The following SCN4A variants were observed in gnomAD, a reference collection of about 807,000 sequenced individuals.
SCN4A encodes sodium channel protein type 4 subunit alpha.
SCN4A carries 83 observed loss-of-function variants against 162.0 expected under a neutral mutation model. That is an observed-to-expected ratio of 0.51 (90% CI 0.43 to 0.61). The LOEUF is 0.61. SCN4A is among the 20% of genes least tolerant of loss of function. SCN4A has a pLI of 0.00. For synonymous variants in SCN4A, 944 were observed against 985.1 expected (o/e 0.96, Z 0.78); for missense variants, 2,196 against 2,462.5 (o/e 0.89, Z 2.29).
chr17:63,960,766 T>C (rs2144797551), intron 11 of SCN4A, among the ~76,000 whole-genome samples: 1 of 152,158 alleles, frequency 6.6e-6, no homozygotes, highest in African/African-American at 2.4e-5. Context: ...TGGTCCTGGG[T>C]AGCCAGGGCT....
intron 15 of SCN4A, 101 bp downstream of exon 15, chr17:63,949,292 G>C (rs998094643): frequency 1.5e-6 from 2 of 1,292,716 alleles, no homozygotes; most frequent in African/African-American, 3.0e-5. Context: ...GGATGGCCAG[G>C]CAGCCCCAGG....
Position 63,940,544 on chromosome 17 carries a change from C to T in SCN4A, c.*227G>A. 2.0e-6 allele frequency: 1 copy of T among 493,802 alleles called. No individual in the cohort carries two copies. Among genetic ancestry groups the T allele is most frequent in the Non-Finnish European group, 3.5e-6 (1 of 286,412 alleles). The allele number at this position is 493,802 out of a possible 1,614,324, so 30.6% of individuals were successfully genotyped here. On this transcript the variant is annotated 3_prime_UTR_variant, in exon 24 of 24. Coordinates refer to ENST00000435607, the MANE Select transcript of SCN4A (RefSeq NM_000334.4). ...CAGGTTAAATCTTGGAGGCAGGGGC[C>T]TCAGACCCAGCATGGAGCCCCTGAG...
chr17:63,968,263 G>A lies in SCN4A; in HGVS notation c.796C>T (p.Leu266=). 6.2e-7 allele frequency: 1 copy of A among 1,614,026 alleles called. No individual in the cohort carries two copies. The change falls in exon 6 of 24, where the codon CTG becomes TTG. Residue 266 remains leucine, a synonymous_variant. Transcript: ENST00000435607. ...CCCATGAAGAGCTGCAGTCCTACCA[G>A]CGCAAAGACGCTCAGGCAGAAGACA... ...LTVFCLSVFA[L]VGLQLFMGNL... is the part of the protein sequence containing the mutation.
At position 63,941,012 on chromosome 17, in the gene SCN4A, C is replaced by T; in HGVS notation, c.5270G>A (p.Ser1757Asn). The T allele has an allele frequency of 1.9e-6, 3 of 1,613,842 alleles. No individual in the cohort carries two copies. Among genetic ancestry groups the T allele is most frequent in the Non-Finnish European group, 2.5e-6 (3 of 1,179,732 alleles). Residue 1757 changes from serine (S) to asparagine (N), a missense_variant, in exon 24 of 24, where the codon AGC (serine) becomes AAC (asparagine). Physicochemically the swap from Ser to Asn is conservative, Grantham distance 46. Coordinates refer to ENST00000435607, the MANE Select transcript of SCN4A (RefSeq NM_000334.4). This position sits in a 1 kb window ranked among gnomAD's most constrained non-coding sequence, Gnocchi z 6.2. ...MKQASYMYRHSHDGSGDDAPE... is the reference protein window; with the variant it reads ...MKQASYMYRHNHDGSGDDAPE... ...GGCGTCATCCCCGCTGCCGTCGTGG[C>T]TGTGGCGGTACATGTAGGATGCCTG...
intron 16 of SCN4A, among the ~76,000 whole-genome samples, chr17:63,948,358 G>T (rs1323104365): frequency 2.0e-5 from 3 of 152,088 alleles, no homozygotes; most frequent in Non-Finnish European, 4.4e-5. Context: ...AGTTCCCAGG[G>T]GTCTCCTGCC....
At chr17:63,947,204 GC>G (rs1406715904) in intron 17 of SCN4A, 37 bp from the exon 18 acceptor site, 5 of 1,610,626 alleles carry the variant, frequency 3.1e-6, no homozygotes, top group Non-Finnish European at 1.7e-6. Context: ...TGCGTGCAAG[GC>G]CCCCAGCCTC....
chr17:63,967,778 C>A (rs1909495021), intron 6 of SCN4A, among the ~76,000 whole-genome samples: 1 of 151,788 alleles, frequency 6.6e-6, no homozygotes, highest in South Asian at 2.1e-4. Flanking sequence ...ACTAAAAATA[C>A]AAAAATTAAT....
Position 63,972,433 on chromosome 17 carries a change from C to T in SCN4A, c.311G>A (p.Arg104His), listed in dbSNP as rs1248025530. 1.1e-5 allele frequency: 18 copies of T among 1,613,892 alleles called. No individual in the cohort carries two copies. The highest frequency in any genetic ancestry group is 1.6e-4 in the Middle Eastern group (1 of 6,062). ...IVLNKGKAIFRFSATPALYLL... is the reference protein window; with the variant it reads ...IVLNKGKAIFHFSATPALYLL... ...GTAGAGAGCAGGTGTGGCGGAGAAG[C>T]GGAAGATGGCCTTGCCCTTGTTGAG... is the stretch of plus-strand genomic sequence containing the variant. The change falls in exon 2 of 24, where the codon CGC becomes CAC. Residue 104 changes from arginine (R) to histidine (H), a missense_variant. By Grantham distance (29) the Arg-to-His change is conservative. Transcript: ENST00000435607. The surrounding 1 kb of genome is among the most constrained non-coding windows in gnomAD (Gnocchi z 4.3).
In SCN4A at chr17:63,940,872, T is replaced by TG. The variant is rs1567815634; in HGVS notation, c.5409dup (p.Thr1804HisfsTer43). ...GGGCTGATGGGCATCAGCCCCATAGTGGGTCCGGCGTCCCCTGCCTCGCCC... is the reference window on the plus strand; with the variant it reads ...GGGCTGATGGGCATCAGCCCCATAGTGGGGTCCGGCGTCCCCTGCCTCGCCC... On this transcript the variant is annotated frameshift_variant, in exon 24 of 24. Coordinates refer to ENST00000435607, the MANE Select transcript of SCN4A (RefSeq NM_000334.4). LOFTEE classifies it high-confidence loss of function. The TG allele has an allele frequency of 3.6e-5, 58 of 1,613,592 alleles. No homozygotes were observed. Among genetic ancestry groups the TG allele is most frequent in the Non-Finnish European group, 4.9e-5 (58 of 1,179,848 alleles).
chr17:63,971,850 C>G lies in SCN4A; in HGVS notation c.483G>C (p.Glu161Asp). The G allele has an allele frequency of 6.4e-7, 1 of 1,554,446 alleles. No homozygotes were observed. Among genetic ancestry groups the G allele is most frequent in the Non-Finnish European group, 8.7e-7 (1 of 1,150,464 alleles). Residue 161 changes from glutamate (E) to aspartate (D), a missense_variant and splice_region_variant, in exon 4 of 24, where the codon GAG (glutamate) becomes GAC (aspartate). By Grantham distance (45) the Glu-to-Asp change is conservative. Transcript: ENST00000435607. Reference protein sequence around the residue: ...SDPPPWSKNVEYTFTGIYTFE... With the variant: ...SDPPPWSKNVDYTFTGIYTFE... Reference sequence around the variant, plus strand: ...AGGTGTAGATCCCTGTGAAGGTGTACCTGGGGGGGAGAGGGCCGGCCGGGA... The same window carrying G: ...AGGTGTAGATCCCTGTGAAGGTGTAGCTGGGGGGGAGAGGGCCGGCCGGGA...
rs1409805776 is a variant in SCN4A at position 63,951,252 on chromosome 17, C to T, written c.2853+172G>A. On this transcript the variant is annotated intron_variant, in intron 14 of 23. Transcript: ENST00000435607. The surrounding 1 kb of genome is among the most constrained non-coding windows in gnomAD (Gnocchi z 4.5). ...ATAGTGACTGCCACCACTCACAGGG[C>T]GCGGACTGCATGCTTTACATACAGC... Among the ~76,000 whole-genome samples the T allele has an allele frequency of 1.3e-5, 2 of 152,294 alleles. No homozygotes were observed. The highest frequency in any genetic ancestry group is 1.9e-4 in the East Asian group (1 of 5,180).
chr17:63,961,658 A>C, intron 10 of SCN4A: 1 of 344,966 alleles, frequency 2.9e-6, no homozygotes. Context: ...CCGCGCTCTG[A>C]GCGCGGCCGG....
Position 63,939,086 on chromosome 17 carries a change from A to ACACACACACGTGTTCACACACT in SCN4A, c.*1684_*1685insAGTGTGTGAACACGTGTGTGTG, listed in dbSNP as rs1908437652. 1 of 152,500 alleles carries ACACACACACGTGTTCACACACT rather than the reference A, an allele frequency of 6.6e-6. No homozygotes were observed. The highest frequency in any genetic ancestry group is 1.5e-5 in the Non-Finnish European group (1 of 68,058). The allele number at this position is 152,500 out of a possible 1,614,324, so 9.4% of individuals were successfully genotyped here. A position where few individuals can be genotyped will look rare whatever the true frequency, so the allele number is the denominator to read the frequency against. ...AGGCATGGCATGTAGATGTGCACAC[A>ACACACACACGTGTTCACACACT]CACACACGTGTTCACACACTCAAGC... On this transcript the variant is annotated 3_prime_UTR_variant, in exon 24 of 24. Transcript: ENST00000435607.
In SCN4A at chr17:63,945,561, G is replaced by A; in HGVS notation, c.3519C>T (p.Ile1173=). The A allele has an allele frequency of 6.2e-7, 1 of 1,614,026 alleles. No individual in the cohort carries two copies. Among genetic ancestry groups the A allele is most frequent in the Non-Finnish European group, 8.5e-7 (1 of 1,179,904 alleles). Residue 1173 remains isoleucine (I), a synonymous_variant, in exon 19 of 24, where the codon ATC becomes ATT. Coordinates refer to ENST00000435607, the MANE Select transcript of SCN4A (RefSeq NM_000334.4). This position sits in a 1 kb window ranked among gnomAD's most constrained non-coding sequence, Gnocchi z 4.4. ...ACAGGTTGACACCCATGATGCTGAAGATCAGCCAGAAGATGAGGCAGACAA... is the reference window on the plus strand; with the variant it reads ...ACAGGTTGACACCCATGATGCTGAAAATCAGCCAGAAGATGAGGCAGACAA... ...VLLVCLIFWL[I]FSIMGVNLFA...
chr17:63,947,150 C>A lies in SCN4A; in HGVS notation c.3336G>T (p.Leu1112Phe), dbSNP rs764409572. 1 of 1,613,390 alleles carries A rather than the reference C, an allele frequency of 6.2e-7. No homozygotes were observed. Among genetic ancestry groups the A allele is most frequent in the Non-Finnish European group, 8.5e-7 (1 of 1,179,812 alleles). Residue 1112 changes from leucine to phenylalanine, a missense_variant, in exon 18 of 24, where the codon TTG becomes TTT. By Grantham distance (22) the Leu-to-Phe change is conservative. Coordinates refer to ENST00000435607, the MANE Select transcript of SCN4A (RefSeq NM_000334.4). ...CCGAGTAGCCCAGCCAGTTGGCCACCAAGCTGATGATGGAGACCTGCAGGG... is the reference window on the plus strand; with the variant it reads ...CCGAGTAGCCCAGCCAGTTGGCCACAAAGCTGATGATGGAGACCTGCAGGG... ...FLIVDVSIIS[L>F]VANWLGYSEL...
chr17:63,964,534 C>T lies in SCN4A; in HGVS notation c.1386G>A (p.Lys462=). 1 of 1,614,072 alleles carries T rather than the reference C, an allele frequency of 6.2e-7. No individual in the cohort carries two copies. Among genetic ancestry groups the T allele is most frequent in the Middle Eastern group, 1.6e-4 (1 of 6,062 alleles). The part of the protein sequence containing the change: ...EQNEATLAED[K]EKEEEFQQML... ...TCTGCTGAAACTCCTCCTCTTTCTC[C>T]TTATCCTCGGCCAGGGTGGCCTCAT... Residue 462 remains lysine (K), a synonymous_variant, in exon 9 of 24, where the codon AAG becomes AAA. Transcript: ENST00000435607.
chr17:63,966,400 C>G, intron 7 of SCN4A, 81 bp downstream of exon 7: 1 of 1,437,380 alleles, frequency 7.0e-7, no homozygotes. Flanking sequence ...ACTCCCATGC[C>G]CCCCAGGTCC....
intron 13 of SCN4A, among the ~76,000 whole-genome samples, chr17:63,954,804 G>A (rs796527875): frequency 2.6e-5 from 4 of 152,318 alleles, no homozygotes; most frequent in African/African-American, 9.6e-5. Flanking sequence ...GGGAAAGGAT[G>A]TCAGTGGTGT....
Position 63,957,216 on chromosome 17 carries a change from G to C in SCN4A, c.2322C>G (p.Gly774=), listed in dbSNP as rs1214296175. The change falls in exon 13 of 24, where the codon GGC becomes GGG. Residue 774 remains glycine (G), a synonymous_variant. Transcript: ENST00000435607. ...ETMWDCMEVA[G]QAMCLTVFLM... Reference sequence around the variant, plus strand: ...GGAAGACGGTGAGGCACATGGCTTGGCCGGCCACCTCCATGCAGTCCCACA... The same window carrying C: ...GGAAGACGGTGAGGCACATGGCTTGCCCGGCCACCTCCATGCAGTCCCACA... The C allele has an allele frequency of 6.3e-7, 1 of 1,599,926 alleles. No individual in the cohort carries two copies. The highest frequency in any genetic ancestry group is 1.7e-5 in the Admixed American group (1 of 59,752).
Sources: allele counts gnomAD v4.1 joint callset (sites outside exome capture counted in the v4.1 genomes callset), GRCh38; gene constraint gnomAD v4.1.1; non-coding constraint Gnocchi (gnomAD v3.1); transcripts MANE v1.5; gene names NCBI Gene and HGNC (gene_info 2026-07-23, HGNC 2026-07-21).